Variants in PDE3A observed in about 807,000 individuals in gnomAD.
PDE3A encodes the protein phosphodiesterase 3A, also known as cGMP-inhibited 3',5'-cyclic phosphodiesterase 3A.
In PDE3A, 43 loss-of-function variants were observed where a neutral mutation model predicts 98.3. The observed-to-expected ratio is 0.44, with a 90% CI of 0.34 to 0.56. PDE3A has a LOEUF of 0.56. Ranked by LOEUF, PDE3A falls within the 20% of genes least tolerant of loss-of-function variation. The probability of loss-of-function intolerance (pLI) is 0.01; values close to 1 mark genes in which losing one functional copy is unlikely to be tolerated. For missense variants in PDE3A, 1,427 were observed against 1,440.7 expected, an observed-to-expected ratio of 0.99 and a Z score of 0.15; for synonymous variants, 663 against 567.9, an observed-to-expected ratio of 1.17 and a Z score of -2.38.
At chr12:20,437,978 T>G (rs1053530858) in intron 1 of PDE3A, among the ~76,000 whole-genome samples, 7 of 151,760 alleles carry the variant, frequency 4.6e-5, no homozygotes, top group African/African-American at 1.7e-4. Context: ...AAGGATTTTT[T>G]TTTTCCAGTA....
chr12:20,574,749 A>T (rs12367197), intron 2 of PDE3A, among the ~76,000 whole-genome samples: 19,680 of 151,914 alleles, frequency 0.13, 1,306 homozygotes, highest in Middle Eastern at 0.22. Context: ...ACCATAGAGG[A>T]TCAACTTACA....
chr12:20,383,714 A>G (rs1943699271), intron 1 of PDE3A, among the ~76,000 whole-genome samples: 1 of 151,978 alleles, frequency 6.6e-6, no homozygotes, highest in South Asian at 2.1e-4. Flanking sequence ...TAACTTGGTT[A>G]CAGACAGTCC....
At chr12:20,649,641 T>C (rs1398768636) in intron 13 of PDE3A, among the ~76,000 whole-genome samples, 3 of 152,272 alleles carry the variant, frequency 2.0e-5, no homozygotes, top group East Asian at 3.9e-4. Flanking sequence ...TAATTGATAA[T>C]AAGGCCAAGC....
At chr12:20,528,442 A>G (rs530011093) in intron 1 of PDE3A, among the ~76,000 whole-genome samples, 2 of 152,322 alleles carry the variant, frequency 1.3e-5, no homozygotes, top group South Asian at 4.1e-4. Context: ...AGGACAGAGA[A>G]GTTCAACCTA....
rs1490470314 is a variant in PDE3A at position 20,639,872 on chromosome 12, G to A, written c.2166G>A (p.Met722Ile). The change falls in exon 10 of 16, where the codon ATG (methionine) becomes ATA (isoleucine). Residue 722 changes from methionine to isoleucine, a missense_variant. Transcript: ENST00000359062. ...SQVSYRLFED[M>I]GLFEAFKIPI... ...TATCTTACAGACTTTTTGAAGACAT[G>A]GGCCTCTTTGAAGCTTTTAAAATTC... 5 of 1,577,904 alleles carry A rather than the reference G, an allele frequency of 3.2e-6. No homozygotes were observed. The highest frequency in any genetic ancestry group is 3.5e-6 in the Non-Finnish European group (4 of 1,147,734).
rs35859257 is a variant in PDE3A, at chr12:20,665,959, C to CTTT, written c.3184+11774_3184+11776dup. Among the ~76,000 whole-genome samples the CTTT allele has an allele frequency of 4.5e-3, 429 of 94,960 alleles. 11 individuals carry two copies. The highest frequency in any genetic ancestry group is 8.5e-3 in the Middle Eastern group (1 of 118). The allele number at this position is 94,960 out of a possible 152,430, so 62.3% of individuals were successfully genotyped here. A position where few individuals can be genotyped will look rare whatever the true frequency, so the allele number is the denominator to read the frequency against. Reference sequence around the variant, plus strand: ...CTGTCACCTCGAGTATTTGTCATTTCTTTTTTTTTTTTTTTTTTTTTTGAG... The same window carrying CTTT: ...CTGTCACCTCGAGTATTTGTCATTTCTTTTTTTTTTTTTTTTTTTTTTTTTGAG... On this transcript the variant is annotated intron_variant, in intron 15 of 15. Transcript: ENST00000359062.
chr12:20,596,620 C>T (rs11045323), intron 2 of PDE3A, among the ~76,000 whole-genome samples: 27,712 of 151,958 alleles, frequency 0.18, 3,047 homozygotes, highest in South Asian at 0.35. Flanking sequence ...TTTTTCCTTC[C>T]GGGGCAAACC....
intron 1 of PDE3A, among the ~76,000 whole-genome samples, chr12:20,458,931 C>T (rs1390415654): frequency 6.6e-6 from 1 of 152,024 alleles, no homozygotes; most frequent in Non-Finnish European, 1.5e-5. Context: ...ATAGTTAAAC[C>T]TTAAGAAGGC....
intron 1 of PDE3A, among the ~76,000 whole-genome samples, chr12:20,513,565 TGTA>T (rs1209193396): frequency 4.6e-5 from 7 of 152,314 alleles, no homozygotes; most frequent in African/African-American, 1.4e-4. Context: ...AACTGTTGGA[TGTA>T]GTTTTCCCAG....
intron 1 of PDE3A, among the ~76,000 whole-genome samples, chr12:20,426,411 T>C (rs971110574): frequency 2.0e-5 from 3 of 152,158 alleles, no homozygotes; most frequent in Admixed American, 1.3e-4. Context: ...TTAGGCATTA[T>C]AAATAGAAAT....
intron 3 of PDE3A, among the ~76,000 whole-genome samples, chr12:20,614,623 T>G (rs1943954387): frequency 6.6e-6 from 1 of 152,150 alleles, no homozygotes; most frequent in Admixed American, 6.5e-5. Context: ...GAGAGAGAGA[T>G]TAACTGGTTC....
chr12:20,668,143 G>A (rs1191061370), intron 15 of PDE3A, among the ~76,000 whole-genome samples: 1 of 152,200 alleles, frequency 6.6e-6, no homozygotes, highest in Admixed American at 6.5e-5. Context: ...TTTCCGACGG[G>A]CTTAAAAAAC....
At chr12:20,592,346 A>T (rs1413917388) in intron 2 of PDE3A, among the ~76,000 whole-genome samples, 2 of 152,214 alleles carry the variant, frequency 1.3e-5, no homozygotes, top group Non-Finnish European at 2.9e-5. Context: ...ACCTTTCTTT[A>T]AAGGTATAAA....
chr12:20,672,018 C>T (rs1338034471), intron 15 of PDE3A, among the ~76,000 whole-genome samples: 1 of 150,970 alleles, frequency 6.6e-6, no homozygotes, highest in Admixed American at 6.6e-5. Flanking sequence ...GATACAAAAT[C>T]AATGTACAAA....
Position 20,570,350 on chromosome 12 carries a change from A to G in PDE3A, c.1011+13640A>G, listed in dbSNP as rs375238369. On this transcript the variant is annotated intron_variant, in intron 2 of 15. Coordinates refer to ENST00000359062, the MANE Select transcript of PDE3A (RefSeq NM_000921.5). Reference sequence around the variant, plus strand: ...TTGAACCCAGGAGGTGGAGGTTGCAATGAACCAAGATCATGCCACTGCACT... The same window carrying G: ...TTGAACCCAGGAGGTGGAGGTTGCAGTGAACCAAGATCATGCCACTGCACT... Among the ~76,000 whole-genome samples the G allele has an allele frequency of 1.3e-4, 18 of 141,772 alleles. No homozygotes were observed. The South Asian group carries it at 4.3e-3, about 34-fold the overall frequency. 93.0% of individuals were successfully genotyped at this position (141,772 alleles called of 152,430 possible).
chr12:20,566,632 CAA>C (rs1261364250), intron 2 of PDE3A, among the ~76,000 whole-genome samples: 1 of 151,526 alleles, frequency 6.6e-6, no homozygotes, highest in Non-Finnish European at 1.5e-5. Context: ...AGATGTAGCG[CAA>C]ACAGATATAA....
chr12:20,463,905 T>C (rs1192849943), intron 1 of PDE3A, among the ~76,000 whole-genome samples: 1 of 152,192 alleles, frequency 6.6e-6, no homozygotes, highest in African/African-American at 2.4e-5. Flanking sequence ...ATTCTTGTTT[T>C]AGACTTTTCT....
chr12:20,671,743 A>G (rs1485426062), intron 15 of PDE3A, among the ~76,000 whole-genome samples: 5 of 139,932 alleles, frequency 3.6e-5, no homozygotes, highest in Non-Finnish European at 7.8e-5. Context: ...AGCCAATATC[A>G]TACTGAATGG....
rs746185688 is a variant in PDE3A, at chr12:20,646,611, CGAAGT to C, written c.2365+12_2365+16del. On this transcript the variant is annotated intron_variant, in intron 11 of 15. Transcript: ENST00000359062. ...GTTCAACCAGTGATTCAGGTATGTA[CGAAGT>C]GAATCTGCACTGCCTTATGAAAGAT... 337 of 1,487,724 alleles carry C rather than the reference CGAAGT, an allele frequency of 2.3e-4. 1 individual carries two copies. Among genetic ancestry groups the C allele is most frequent in the Middle Eastern group, 5.1e-4 (3 of 5,882 alleles). The allele number at this position is 1,487,724 out of a possible 1,614,324, so 92.2% of individuals were successfully genotyped here.
Sources: gnomAD v4.1 joint callset for allele counts (sites outside exome capture counted in the v4.1 genomes callset) on GRCh38, gnomAD v4.1.1 for gene constraint, MANE v1.5 for transcripts, NCBI Gene and HGNC (gene_info 2026-07-23, HGNC 2026-07-21) for gene names.